CAPN9: variants seen among roughly 807,000 people sequenced by gnomAD.
CAPN9 encodes calpain 9, also known as calpain-9.
Under a neutral mutation model 92.8 loss-of-function variants are expected in CAPN9, and 81 were observed. The observed-to-expected ratio is 0.87, with a 90% CI of 0.73 to 1.05. The LOEUF is 1.05. CAPN9 is among the 50% of genes least tolerant of loss of function. CAPN9 has a pLI of 0.00. For synonymous variants in CAPN9, 304 were observed against 328.0 expected, an observed-to-expected ratio of 0.93 and a Z score of 0.79; for missense variants, 848 against 866.2, an observed-to-expected ratio of 0.98 and a Z score of 0.26.
intron 6 of CAPN9, among the ~76,000 whole-genome samples, chr1:230,770,916 A>C (rs1329207619): frequency 6.6e-6 from 1 of 152,164 alleles, no homozygotes; most frequent in Non-Finnish European, 1.5e-5. Flanking sequence ...ACTGGAGCCA[A>C]GGTGTGAGAC....
chr1:230,781,993 A>C (rs1206550645), intron 11 of CAPN9, among the ~76,000 whole-genome samples: 2 of 152,204 alleles, frequency 1.3e-5, no homozygotes, highest in African/African-American at 4.8e-5. Context: ...CAAGATGGGG[A>C]TGAATATCCT....
chr1:230,772,056 A>G lies in CAPN9; in HGVS notation c.832A>G (p.Asn278Asp). 2 of 1,614,252 alleles carry G rather than the reference A, an allele frequency of 1.2e-6. No homozygotes were observed. Among genetic ancestry groups the G allele is most frequent in the African/African-American group, 1.3e-5 (1 of 75,074 alleles). Residue 278 changes from asparagine to aspartate, a missense_variant, in exon 7 of 20, where the codon AAC (asparagine) becomes GAC (aspartate). Coordinates refer to ENST00000271971, the MANE Select transcript of CAPN9 (RefSeq NM_006615.3). ...GAGAATCGAGCTCATCCGAATCCGG[A>G]ACCCTTGGGGCCAGGTTGAGTGGAA... ...GQRIELIRIR[N>D]PWGQVEWNGS...
intron 1 of CAPN9, among the ~76,000 whole-genome samples, chr1:230,748,659 C>G (rs1184727299): frequency 1.3e-5 from 2 of 152,196 alleles, no homozygotes; most frequent in African/African-American, 4.8e-5. Context: ...CAGTACATTA[C>G]AGCTATTGTC....
intron 6 of CAPN9, among the ~76,000 whole-genome samples, chr1:230,769,856 T>C (rs1211153830): frequency 6.6e-6 from 1 of 152,192 alleles, no homozygotes; most frequent in African/African-American, 2.4e-5. Context: ...ACTTAATAAA[T>C]AGTAAATGTA....
At chr1:230,758,786 C>G (rs528533893) in intron 2 of CAPN9, among the ~76,000 whole-genome samples, 4 of 152,164 alleles carry the variant, frequency 2.6e-5, no homozygotes, top group Non-Finnish European at 4.4e-5. Context: ...AATGGATCCT[C>G]CCAGATATCT....
In CAPN9 at chr1:230,747,592, G is replaced by C. The variant is rs930312098; in HGVS notation, c.96G>C (p.Met32Ile). 1.2e-6 allele frequency: 2 copies of C among 1,614,196 alleles called. No individual in the cohort carries two copies. Among genetic ancestry groups the C allele is most frequent in the Non-Finnish European group, 1.7e-6 (2 of 1,180,036 alleles). Residue 32 changes from methionine to isoleucine, a missense_variant, in exon 1 of 20, where the codon ATG becomes ATC. Met to Ile is a conservative substitution (Grantham distance 10). Transcript: ENST00000271971. ...THSSGQSFEQ[M>I]RQECLQRGTL... ...CCTCAGGCCAGAGCTTTGAGCAAAT[G>C]AGGCAGGAGTGCCTGCAGAGAGGCA...
intron 13 of CAPN9, among the ~76,000 whole-genome samples, chr1:230,788,885 A>C (rs772756821): frequency 4.6e-5 from 7 of 152,176 alleles, no homozygotes; most frequent in Non-Finnish European, 8.8e-5. Context: ...AGAGTTTGGA[A>C]GGGAAGCGGT....
At chr1:230,766,655 G>C (rs1488965620) in intron 4 of CAPN9, among the ~76,000 whole-genome samples, 1 of 152,202 alleles carries the variant, frequency 6.6e-6, no homozygotes, top group African/African-American at 2.4e-5. Context: ...AAAAACTAAA[G>C]AAGCCCAAAT....
chr1:230,785,416 AGT>A (rs1667514901), intron 11 of CAPN9, among the ~76,000 whole-genome samples: 2 of 152,262 alleles, frequency 1.3e-5, no homozygotes, highest in East Asian at 3.9e-4. Context: ...TGTAATCCCC[AGT>A]GTTAGGGGTG....
intron 4 of CAPN9, among the ~76,000 whole-genome samples, chr1:230,765,083 G>A (rs1348627600): frequency 6.6e-6 from 1 of 151,996 alleles, no homozygotes; most frequent in Admixed American, 6.6e-5. Context: ...GGGGCTTCTT[G>A]GAGATAAGGC....
chr1:230,784,725 G>A (rs1217993202), intron 11 of CAPN9, among the ~76,000 whole-genome samples: 3 of 152,260 alleles, frequency 2.0e-5, no homozygotes, highest in Non-Finnish European at 4.4e-5. Context: ...TGCAGGGACA[G>A]AGCCCTCACA....
In CAPN9 at chr1:230,790,721, A is replaced by T. The variant is rs547759388; in HGVS notation, c.1657+532A>T. Among the ~76,000 whole-genome samples the T allele has an allele frequency of 1.6e-4, 25 of 152,280 alleles. 1 individual carries two copies. The South Asian group carries it at 5.2e-3, about 32-fold the overall frequency. ...TTTGGGAGGCCGAGACAGGCGGATCACCTAGGTCAGGAGTTCAAGACCAGC... is the reference window on the plus strand; with the variant it reads ...TTTGGGAGGCCGAGACAGGCGGATCTCCTAGGTCAGGAGTTCAAGACCAGC... On this transcript the variant is annotated intron_variant, in intron 14 of 19. Coordinates refer to ENST00000271971, the MANE Select transcript of CAPN9 (RefSeq NM_006615.3).
chr1:230,772,678 G>A (rs1192096973), intron 7 of CAPN9, among the ~76,000 whole-genome samples: 2 of 151,842 alleles, frequency 1.3e-5, no homozygotes, highest in Admixed American at 6.6e-5. Context: ...AGAGATTGAG[G>A]CTGCAGGGAG....
chr1:230,772,202 G>A (rs1018298618), intron 7 of CAPN9, 103 bp downstream of exon 7: 14 of 952,212 alleles, frequency 1.5e-5, no homozygotes, highest in African/African-American at 6.5e-5. Flanking sequence ...CTATCCTCCC[G>A]GGCTCTGACT....
At chr1:230,776,910 C>G (rs1315919963) in intron 8 of CAPN9, 1 of 152,188 alleles carries the variant, frequency 6.6e-6, no homozygotes, top group Non-Finnish European at 1.5e-5. Flanking sequence ...TGACTGCCAG[C>G]CATCTCTGCC....
At chr1:230,793,024 G>GGCAGC in intron 17 of CAPN9, 96 bp downstream of exon 17, 2 of 924,944 alleles carry the variant, frequency 2.2e-6, no homozygotes, top group East Asian at 2.4e-5. Flanking sequence ...TGCTGCCCAG[G>GGCAGC]AGGTGGGCCT....
At chr1:230,757,813 T>G (rs1273463101) in intron 2 of CAPN9, among the ~76,000 whole-genome samples, 1 of 150,118 alleles carries the variant, frequency 6.7e-6, no homozygotes, top group East Asian at 2.0e-4. Flanking sequence ...TGGGTGAGTG[T>G]GAGGGGATGG....
chr1:230,777,703 A>G (rs1666907531), intron 8 of CAPN9, among the ~76,000 whole-genome samples: 1 of 151,456 alleles, frequency 6.6e-6, no homozygotes, highest in Non-Finnish European at 1.5e-5. Context: ...TGATCTTGCC[A>G]GGGACGCCAC....
intron 13 of CAPN9, among the ~76,000 whole-genome samples, chr1:230,787,872 T>C (rs889014288): frequency 1.3e-5 from 2 of 152,192 alleles, no homozygotes; most frequent in African/African-American, 2.4e-5. Context: ...TCTGTTTTGC[T>C]TTAGACAGAG....
Sources: gnomAD v4.1 joint callset for allele counts (sites outside exome capture counted in the v4.1 genomes callset) on GRCh38, gnomAD v4.1.1 for gene constraint, MANE v1.5 for transcripts, NCBI Gene and HGNC (gene_info 2026-07-23, HGNC 2026-07-21) for gene names.